The following CCDC148 variants were observed in gnomAD, a reference collection of about 807,000 sequenced individuals.
CCDC148 encodes the protein coiled-coil domain containing 148.
A neutral mutation model predicts 85.7 loss-of-function variants in CCDC148; 89 were observed. The ratio of observed to expected loss-of-function variants is 1.04; its 90% CI spans 0.87 to 1.24. The LOEUF is 1.24. Among genes scored for constraint, CCDC148 ranks in the 50% most tolerant of loss-of-function variants. The probability of loss-of-function intolerance (pLI) is 0.00; values close to 1 mark genes in which losing one functional copy is unlikely to be tolerated. For synonymous variants in CCDC148, 230 were observed against 213.9 expected (o/e 1.08, Z -0.66); for missense variants, 692 against 671.7 (o/e 1.03, Z -0.33).
At chr2:158,232,940 T>C (rs1390227036) in intron 10 of CCDC148, among the ~76,000 whole-genome samples, 2 of 152,168 alleles carry the variant, frequency 1.3e-5, no homozygotes, top group Non-Finnish European at 2.9e-5. Context: ...TAAATTCTAG[T>C]GTTCAATAGC....
chr2:158,277,656 GCGTGATCT>G (rs72322463), intron 9 of CCDC148, among the ~76,000 whole-genome samples: 6,221 of 152,058 alleles, frequency 0.041, 197 homozygotes, highest in African/African-American at 0.088. Flanking sequence ...GAGTGCAGTG[GCGTGATCT>G]CGCCTCACTG....
At chr2:158,208,999 A>AAT (rs1253790080) in intron 11 of CCDC148, among the ~76,000 whole-genome samples, 1 of 151,944 alleles carries the variant, frequency 6.6e-6, no homozygotes, top group East Asian at 1.9e-4. Context: ...TTAACCTTCT[A>AAT]ATTCTTATTT....
At chr2:158,322,372 C>A (rs13394209) in intron 7 of CCDC148, among the ~76,000 whole-genome samples, 55,077 of 151,660 alleles carry the variant, frequency 0.36, 10,507 homozygotes, top group African/African-American at 0.49. Context: ...ATCATAGAAG[C>A]AGCTCAGTAA....
intron 1 of CCDC148, chr2:158,380,894 C>T (rs1684842635): frequency 6.6e-6 from 1 of 152,060 alleles, no homozygotes; most frequent in Admixed American, 6.6e-5. Context: ...AATAAATGGT[C>T]CTGGTTCTGT....
intron 9 of CCDC148, among the ~76,000 whole-genome samples, chr2:158,303,766 GA>G (rs146578108): frequency 0.058 from 8,894 of 152,184 alleles, 359 homozygotes; most frequent in Non-Finnish European, 0.081. Flanking sequence ...ACCCTCATGT[GA>G]CCATACCCTT....
chr2:158,233,826 G>T (rs753782731), intron 10 of CCDC148, among the ~76,000 whole-genome samples: 2 of 152,100 alleles, frequency 1.3e-5, no homozygotes, highest in Non-Finnish European at 2.9e-5. Context: ...TCTGTAGTTT[G>T]ATGGTATAGA....
intron 9 of CCDC148, among the ~76,000 whole-genome samples, chr2:158,284,149 T>G (rs1483661282): frequency 6.9e-6 from 1 of 145,678 alleles, no homozygotes; most frequent in African/African-American, 2.5e-5. Context: ...GGGGGAGGGA[T>G]AGCATTGGGA....
intron 9 of CCDC148, among the ~76,000 whole-genome samples, chr2:158,279,110 A>G (rs1260406551): frequency 2.6e-5 from 4 of 152,234 alleles, no homozygotes; most frequent in African/African-American, 9.6e-5. Flanking sequence ...AAGGACATCC[A>G]CACCAAAAAC....
intron 7 of CCDC148, among the ~76,000 whole-genome samples, chr2:158,318,305 T>C (rs899684781): frequency 6.6e-6 from 1 of 152,180 alleles, no homozygotes; most frequent in Non-Finnish European, 1.5e-5. Flanking sequence ...TCCCTGGCTC[T>C]ACCAGTCTGG....
At chr2:158,423,823 A>C (rs1686930863) in intron 1 of CCDC148, among the ~76,000 whole-genome samples, 1 of 152,034 alleles carries the variant, frequency 6.6e-6, no homozygotes, top group African/African-American at 2.4e-5. Context: ...CTCATCTGAC[A>C]AAGGGCTAAT....
intron 1 of CCDC148, among the ~76,000 whole-genome samples, chr2:158,437,882 A>G (rs1687738402): frequency 6.6e-6 from 1 of 152,208 alleles, no homozygotes. Context: ...CAACTGCTTC[A>G]AAGAGAATAA....
At chr2:158,405,716 A>T in intron 1 of CCDC148, among the ~76,000 whole-genome samples, 1 of 152,210 alleles carries the variant, frequency 6.6e-6, no homozygotes, top group South Asian at 2.1e-4. Flanking sequence ...AATTCCTCAT[A>T]TAAGTTAATG....
intron 1 of CCDC148, among the ~76,000 whole-genome samples, chr2:158,431,046 G>C (rs1559140164): frequency 6.6e-6 from 1 of 150,930 alleles, no homozygotes; most frequent in East Asian, 1.9e-4. Context: ...AACACAGAGA[G>C]AAAAAAGACC....
At chr2:158,313,986 C>CTT in intron 7 of CCDC148, 92 bp from the exon 8 acceptor site, 2 of 1,223,896 alleles carry the variant, frequency 1.6e-6, no homozygotes, top group Non-Finnish European at 2.2e-6. Context: ...GTGATAGTAA[C>CTT]GAAGCAAAAC....
In CCDC148 at chr2:158,171,893, T is replaced by C. The variant is rs1041261844; in HGVS notation, c.*220A>G. 15 of 376,628 alleles carry C rather than the reference T, an allele frequency of 4.0e-5. No individual in the cohort carries two copies. Among genetic ancestry groups the C allele is most frequent in the Non-Finnish European group, 6.1e-5 (13 of 213,978 alleles). 23.3% of individuals were successfully genotyped at this position (376,628 alleles called of 1,614,324 possible). ...CTATATGTGCCATAATTAAGTTCCA[T>C]AATTTGGGGGAATTTAGTACTATTA... On this transcript the variant is annotated 3_prime_UTR_variant, in exon 14 of 14. Coordinates refer to ENST00000283233, the MANE Select transcript of CCDC148 (RefSeq NM_138803.4).
At chr2:158,422,761 G>A (rs906226734) in intron 1 of CCDC148, among the ~76,000 whole-genome samples, 7 of 152,042 alleles carry the variant, frequency 4.6e-5, no homozygotes, top group Non-Finnish European at 2.9e-5. Context: ...AAGAAATAAA[G>A]GGTATTCAGT....
chr2:158,223,720 G>A (rs1687329907), intron 10 of CCDC148, among the ~76,000 whole-genome samples: 1 of 152,188 alleles, frequency 6.6e-6, no homozygotes, highest in South Asian at 2.1e-4. Flanking sequence ...GGTCTGGAGT[G>A]GACCTCCAGC....
intron 9 of CCDC148, among the ~76,000 whole-genome samples, chr2:158,259,624 T>A (rs1574496463): frequency 3.9e-5 from 1 of 25,532 alleles, no homozygotes; most frequent in African/African-American, 8.0e-5. Context: ...CTCAAGCCTC[T>A]TAATAGCAGT....
At chr2:158,418,203 C>T (rs1227455500) in intron 1 of CCDC148, among the ~76,000 whole-genome samples, 1 of 151,892 alleles carries the variant, frequency 6.6e-6, no homozygotes, top group African/African-American at 2.4e-5. Flanking sequence ...CTACAAATCA[C>T]TTAACTTTTC....
Sources: gnomAD v4.1 joint callset for allele counts (sites outside exome capture counted in the v4.1 genomes callset) on GRCh38, gnomAD v4.1.1 for gene constraint, MANE v1.5 for transcripts, NCBI Gene and HGNC (gene_info 2026-07-23, HGNC 2026-07-21) for gene names.